Variants in KANK1 observed in about 807,000 individuals in gnomAD.
KANK1 encodes KN motif and ankyrin repeat domain-containing protein 1.
KANK1 carries 109 observed loss-of-function variants against 106.2 expected under a neutral mutation model. The observed-to-expected ratio is 1.03, with a 90% CI of 0.88 to 1.20. The LOEUF is 1.20. KANK1 is among the 50% of genes most tolerant of loss of function. The pLI, the probability that KANK1 is intolerant of heterozygous loss-of-function variation, is 0.00. For missense variants in KANK1, 2,399 were observed against 1,710.7 expected (o/e 1.40, Z -7.10); for synonymous variants, 873 against 652.2 (o/e 1.34, Z -5.16).
intron 1 of KANK1, among the ~76,000 whole-genome samples, chr9:578,583 C>T (rs1169005680): frequency 6.6e-6 from 1 of 151,902 alleles, no homozygotes; most frequent in Non-Finnish European, 1.5e-5. Flanking sequence ...AGGAGTATAT[C>T]TCAATGTTGA....
At chr9:674,174 C>G (rs1815877152) in intron 1 of KANK1, 1 of 152,088 alleles carries the variant, frequency 6.6e-6, no homozygotes, top group Non-Finnish European at 1.5e-5. Context: ...TGGACCTGAA[C>G]CAGTGCCTCT....
chr9:602,993 G>C (rs914230449), intron 1 of KANK1, among the ~76,000 whole-genome samples: 1 of 151,840 alleles, frequency 6.6e-6, no homozygotes, highest in African/African-American at 2.4e-5. Flanking sequence ...TTTATCCACA[G>C]TGATAATTAT....
intron 1 of KANK1, among the ~76,000 whole-genome samples, chr9:621,436 A>G (rs1420280528): frequency 6.6e-6 from 1 of 151,918 alleles, no homozygotes; most frequent in Non-Finnish European, 1.5e-5. Context: ...CATCATTACC[A>G]AAAAAAAGTG....
chr9:526,927 A>T (rs992965444), intron 1 of KANK1, among the ~76,000 whole-genome samples: 1 of 151,774 alleles, frequency 6.6e-6, no homozygotes, highest in African/African-American at 2.4e-5. Flanking sequence ...CTGCTGTAAT[A>T]TTAATATGAT....
intron 1 of KANK1, among the ~76,000 whole-genome samples, chr9:566,135 C>A (rs962354411): frequency 6.6e-6 from 1 of 152,156 alleles, no homozygotes; most frequent in African/African-American, 2.4e-5. Flanking sequence ...TCTGTTCCTG[C>A]GTTAGTTTGC....
At chr9:632,071 T>C (rs1835876358) in intron 1 of KANK1, among the ~76,000 whole-genome samples, 1 of 152,228 alleles carries the variant, frequency 6.6e-6, no homozygotes, top group African/African-American at 2.4e-5. Context: ...GTCTAGCCTT[T>C]AACAGTCACT....
intron 1 of KANK1, among the ~76,000 whole-genome samples, chr9:509,598 ATCC>A (rs1213860726): frequency 1.3e-5 from 2 of 152,138 alleles, no homozygotes; most frequent in South Asian, 2.1e-4. Context: ...TCATTTAATA[ATCC>A]TCTTATTAGA....
In KANK1 at chr9:723,619, CCT is replaced by C. The variant is rs149309702; in HGVS notation, c.2699-6431_2699-6430del. Reference sequence around the variant, plus strand: ...TCTAGCCTGGGTGACAGTGTGAGACCCTGTCTGTAATTCATTCTGTGCATTTT... The same window carrying C: ...TCTAGCCTGGGTGACAGTGTGAGACCGTCTGTAATTCATTCTGTGCATTTT... On this transcript the variant is annotated intron_variant, in intron 3 of 11. Coordinates refer to ENST00000382297, the MANE Select transcript of KANK1 (RefSeq NM_015158.5). 4.6e-3 allele frequency among the ~76,000 whole-genome samples: 689 copies of C among 149,690 alleles called. 2 individuals are homozygous for C. Among genetic ancestry groups the C allele is most frequent in the African/African-American group, 0.016 (649 of 40,718 alleles).
chr9:584,931 C>G (rs923730061), intron 1 of KANK1, among the ~76,000 whole-genome samples: 7 of 152,220 alleles, frequency 4.6e-5, no homozygotes. Flanking sequence ...CTCCCAGTTT[C>G]TCCTCAATGC....
At chr9:586,037 G>A (rs1244253392) in intron 1 of KANK1, among the ~76,000 whole-genome samples, 1 of 152,186 alleles carries the variant, frequency 6.6e-6, no homozygotes, top group Admixed American at 6.5e-5. Context: ...AAGGTGGGAT[G>A]GGAATAAGCA....
At chr9:668,892 C>T (rs941349483) in intron 1 of KANK1, among the ~76,000 whole-genome samples, 5 of 152,016 alleles carry the variant, frequency 3.3e-5, no homozygotes, top group Admixed American at 2.0e-4. Context: ...TTCGCACTTG[C>T]AGTTCACAAT....
intron 2 of KANK1, among the ~76,000 whole-genome samples, chr9:681,534 T>A (rs1035790509): frequency 3.9e-5 from 6 of 152,178 alleles, no homozygotes; most frequent in Admixed American, 3.3e-4. Flanking sequence ...AGTGGCTTAT[T>A]TGTGAAAGAA....
intron 1 of KANK1, among the ~76,000 whole-genome samples, chr9:617,957 A>T (rs1302501869): frequency 6.6e-6 from 1 of 152,198 alleles, no homozygotes; most frequent in African/African-American, 2.4e-5. Context: ...CATTTATGGA[A>T]CCACTCTCTG....
intron 5 of KANK1, 76 bp downstream of exon 5, chr9:731,342 G>C: frequency 1.2e-6 from 1 of 829,334 alleles, no homozygotes; most frequent in Non-Finnish European, 2.0e-6. Flanking sequence ...ATTTCAAGGC[G>C]CCTAGTCGGG....
At chr9:654,428 A>G (rs1035821933) in intron 1 of KANK1, among the ~76,000 whole-genome samples, 14 of 152,330 alleles carry the variant, frequency 9.2e-5, no homozygotes, top group African/African-American at 2.6e-4. Context: ...TTGGAATAGT[A>G]TATTACCAGA....
chr9:502,359 A>T (rs76755468), upstream of KANK1, among the ~76,000 whole-genome samples: 3,740 of 152,136 alleles, frequency 0.025, 158 homozygotes, highest in South Asian at 0.11. Context: ...AAAATAACTA[A>T]ATTAAAAATG....
chr9:566,586 T>A (rs1817866034), intron 1 of KANK1, among the ~76,000 whole-genome samples: 1 of 152,214 alleles, frequency 6.6e-6, no homozygotes, highest in East Asian at 1.9e-4. Context: ...TTGTGGTTGT[T>A]ATTTGCGTTT....
intron 11 of KANK1, 111 bp from the exon 12 acceptor site, chr9:745,062 G>A (rs757110915): frequency 9.7e-5 from 148 of 1,531,752 alleles, no homozygotes; most frequent in South Asian, 3.7e-4. Flanking sequence ...CTCCTGGCTC[G>A]GGCTCACAGC....
intron 1 of KANK1, among the ~76,000 whole-genome samples, chr9:506,386 G>C (rs1010570752): frequency 2.6e-5 from 4 of 152,186 alleles, no homozygotes; most frequent in African/African-American, 9.7e-5. Flanking sequence ...GCCAGTAGAG[G>C]AATAATTGCC....
Sources: allele counts gnomAD v4.1 joint callset (sites outside exome capture counted in the v4.1 genomes callset), GRCh38; gene constraint gnomAD v4.1.1; transcripts MANE v1.5; gene names NCBI Gene and HGNC (gene_info 2026-07-23, HGNC 2026-07-21).